The following GRID2 variants were observed in gnomAD, a reference collection of about 807,000 sequenced individuals.
The protein encoded by GRID2 is glutamate receptor ionotropic, delta-2.
A neutral mutation model predicts 114.8 loss-of-function variants in GRID2; 33 were observed. The observed-to-expected ratio is 0.29, with a 90% CI of 0.22 to 0.38. The LOEUF is 0.38. Ranked by LOEUF, GRID2 falls within the 10% of genes least tolerant of loss-of-function variation. The pLI is 1.00. For missense variants in GRID2, 1,184 were observed against 1,257.7 expected, an observed-to-expected ratio of 0.94 and a Z score of 0.89; for synonymous variants, 505 against 449.9, an observed-to-expected ratio of 1.12 and a Z score of -1.55.
chr4:92,485,338 ATATATATATAGTGTGT>A (rs1172819616), intron 1 of GRID2, among the ~76,000 whole-genome samples: 3 of 91,032 alleles, frequency 3.3e-5, no homozygotes, highest in Non-Finnish European at 6.9e-5. Context: ...ATATATATAT[ATATATATATAGTGTGT>A]GTGTGTGTGT....
chr4:93,037,548 T>C (rs192947722), intron 2 of GRID2, among the ~76,000 whole-genome samples: 1 of 152,342 alleles, frequency 6.6e-6, no homozygotes, highest in Admixed American at 6.5e-5. Flanking sequence ...GCCTAGGTTT[T>C]CTTCTAGGGT....
intron 8 of GRID2, among the ~76,000 whole-genome samples, chr4:93,385,784 C>A (rs1764258141): frequency 6.6e-6 from 1 of 152,036 alleles, no homozygotes; most frequent in Non-Finnish European, 1.5e-5. Context: ...GAATTCTTTT[C>A]ATTAACAAAC....
intron 2 of GRID2, among the ~76,000 whole-genome samples, chr4:92,922,760 C>T (rs2149508887): frequency 6.6e-6 from 1 of 152,226 alleles, no homozygotes; most frequent in African/African-American, 2.4e-5. Context: ...ATGGATGAAT[C>T]TCACAAACGT....
chr4:92,420,314 C>T (rs1731837697), intron 1 of GRID2, among the ~76,000 whole-genome samples: 1 of 152,104 alleles, frequency 6.6e-6, no homozygotes. Context: ...TAAGTTTTAA[C>T]ACCTAATATG....
intron 1 of GRID2, among the ~76,000 whole-genome samples, chr4:92,489,081 A>G (rs1186858157): frequency 6.6e-6 from 1 of 152,222 alleles, no homozygotes; most frequent in Non-Finnish European, 1.5e-5. Context: ...CTCAGAAGAC[A>G]TTACTACCCA....
At chr4:92,346,889 G>A (rs1395723282) in intron 1 of GRID2, among the ~76,000 whole-genome samples, 1 of 152,094 alleles carries the variant, frequency 6.6e-6, no homozygotes, top group East Asian at 1.9e-4. Flanking sequence ...AGTTGCAAGT[G>A]ATATGTATTT....
intron 2 of GRID2, among the ~76,000 whole-genome samples, chr4:92,750,629 T>C (rs1025211627): frequency 6.6e-6 from 1 of 152,194 alleles, no homozygotes; most frequent in African/African-American, 2.4e-5. Flanking sequence ...CTTATGTCAG[T>C]AGCCTCCAGC....
intron 2 of GRID2, among the ~76,000 whole-genome samples, chr4:92,800,146 G>A (rs889634059): frequency 6.7e-6 from 1 of 149,816 alleles, no homozygotes; most frequent in African/African-American, 2.4e-5. Context: ...AAAATAATCA[G>A]CAATTTATTT....
At chr4:93,709,916 G>A (rs1368180652) in intron 14 of GRID2, among the ~76,000 whole-genome samples, 5 of 151,978 alleles carry the variant, frequency 3.3e-5, no homozygotes, top group Admixed American at 6.6e-5. Context: ...ATTAATTTTT[G>A]TTAATTATTT....
chr4:93,092,861 C>T (rs1730904029), intron 3 of GRID2, among the ~76,000 whole-genome samples: 1 of 151,966 alleles, frequency 6.6e-6, no homozygotes, highest in African/African-American at 2.4e-5. Flanking sequence ...CAAACACACA[C>T]ACACACATAT....
intron 4 of GRID2, among the ~76,000 whole-genome samples, chr4:93,177,429 A>G (rs1389467459): frequency 6.6e-6 from 1 of 152,136 alleles, no homozygotes; most frequent in East Asian, 1.9e-4. Context: ...TCCTCATTTT[A>G]TGGATGCAGA....
chr4:93,503,978 G>A (rs555495691), intron 12 of GRID2, among the ~76,000 whole-genome samples: 1 of 152,154 alleles, frequency 6.6e-6, no homozygotes, highest in East Asian at 1.9e-4. Context: ...TTTGGTTTTT[G>A]TCATATTCAT....
intron 3 of GRID2, among the ~76,000 whole-genome samples, chr4:93,096,445 G>A (rs921850706): frequency 1.3e-5 from 2 of 151,966 alleles, no homozygotes; most frequent in African/African-American, 4.8e-5. Flanking sequence ...TCCGAAAAAC[G>A]TATAAATATG....
intron 14 of GRID2, among the ~76,000 whole-genome samples, chr4:93,669,003 A>G (rs1288250470): frequency 6.6e-6 from 1 of 152,068 alleles, no homozygotes; most frequent in African/African-American, 2.4e-5. Flanking sequence ...TAGTAGGTAC[A>G]AAATAGTTTG....
At chr4:92,573,058 T>C (rs933555317) in intron 1 of GRID2, among the ~76,000 whole-genome samples, 3 of 152,104 alleles carry the variant, frequency 2.0e-5, no homozygotes, top group Non-Finnish European at 4.4e-5. Flanking sequence ...TGGGAGAGTG[T>C]ACGTTTCCAG....
chr4:93,788,131 A>G (rs947106392), intron 1 of GRID2, among the ~76,000 whole-genome samples: 2 of 152,120 alleles, frequency 1.3e-5, no homozygotes, highest in African/African-American at 4.8e-5. Flanking sequence ...AGCCTGCTCA[A>G]CATGGCGAAA....
At chr4:93,152,717 G>A (rs1039333199) in intron 4 of GRID2, among the ~76,000 whole-genome samples, 4 of 152,092 alleles carry the variant, frequency 2.6e-5, no homozygotes, top group Non-Finnish European at 5.9e-5. Flanking sequence ...TAGATGAACT[G>A]TTACTTCAAA....
chr4:93,193,899 T>A (rs1172949035), intron 4 of GRID2, among the ~76,000 whole-genome samples: 5 of 152,198 alleles, frequency 3.3e-5, no homozygotes. Context: ...GCCTCAACTC[T>A]AGTAACAGAA....
intron 2 of GRID2, among the ~76,000 whole-genome samples, chr4:92,706,792 A>G (rs927045466): frequency 6.6e-5 from 10 of 152,240 alleles, no homozygotes; most frequent in African/African-American, 2.4e-4. Flanking sequence ...TTAAATACAG[A>G]TTAAATTCAG....
Sources: gnomAD v4.1 joint callset for allele counts (sites outside exome capture counted in the v4.1 genomes callset) on GRCh38, gnomAD v4.1.1 for gene constraint, MANE v1.5 for transcripts, NCBI Gene and HGNC (gene_info 2026-07-23, HGNC 2026-07-21) for gene names.